Variants in UMODL1 observed in about 807,000 individuals in gnomAD.
The protein encoded by UMODL1 is uromodulin-like 1.
In UMODL1, 128 loss-of-function variants were observed where a neutral mutation model predicts 136.3. That is an observed-to-expected ratio of 0.94 (90% CI 0.81 to 1.09). UMODL1 has a LOEUF of 1.09. Ranked by LOEUF, UMODL1 falls within the 50% of genes least tolerant of loss-of-function variation. The pLI is 0.00. For synonymous variants in UMODL1, 721 were observed against 720.0 expected (o/e 1.00, Z -0.02); for missense variants, 1,766 against 1,725.6 (o/e 1.02, Z -0.41).
intron 1 of UMODL1, among the ~76,000 whole-genome samples, chr21:42,064,198 G>A (rs1035175932): frequency 6.6e-6 from 1 of 152,080 alleles, no homozygotes; most frequent in Non-Finnish European, 1.5e-5. Flanking sequence ...TCCCTCCTCT[G>A]ATCTGATTGG....
chr21:42,107,812 G>A (rs1031898047), intron 9 of UMODL1, among the ~76,000 whole-genome samples: 1 of 152,230 alleles, frequency 6.6e-6, no homozygotes, highest in Non-Finnish European at 1.5e-5. Flanking sequence ...TTGTTGTTCT[G>A]GGTGGGGCCA....
At chr21:42,132,540 A>G (rs565242856) in intron 21 of UMODL1, among the ~76,000 whole-genome samples, 2 of 150,746 alleles carry the variant, frequency 1.3e-5, no homozygotes, top group Admixed American at 6.6e-5. Context: ...CCATCCATCC[A>G]TCTATTCATC....
chr21:42,096,748 C>T (rs1194565986), intron 6 of UMODL1, among the ~76,000 whole-genome samples: 4 of 152,148 alleles, frequency 2.6e-5, no homozygotes, highest in African/African-American at 7.2e-5. Context: ...TGCTCGTGGC[C>T]GCCCCACTTT....
rs769534813 is a variant in UMODL1, at chr21:42,103,969, C to T, written c.1401C>T (p.Leu467=). 6.8e-6 allele frequency: 11 copies of T among 1,613,978 alleles called. No individual in the cohort carries two copies. The highest frequency in any genetic ancestry group is 1.7e-5 in the Admixed American group (1 of 60,006). ...SLQAGSVVVR[L]KLTVQDPGFP... is the part of the protein sequence containing the mutation. The stretch of plus-strand genomic sequence containing the variant: ...AGGCGGGAAGTGTGGTCGTGAGGCT[C>T]AAGCTCACCGTGCAGGACCCCGGGT... The change falls in exon 9 of 23, where the codon CTC becomes CTT. Residue 467 remains leucine (L), a synonymous_variant. Coordinates refer to ENST00000408910, the MANE Select transcript of UMODL1 (RefSeq NM_001004416.3).
At chr21:42,081,274 G>A (rs1222580994) in intron 2 of UMODL1, among the ~76,000 whole-genome samples, 1 of 152,214 alleles carries the variant, frequency 6.6e-6, no homozygotes, top group Non-Finnish European at 1.5e-5. Flanking sequence ...AGGGAGACAG[G>A]AGCGACTCCT....
intron 9 of UMODL1, among the ~76,000 whole-genome samples, chr21:42,105,224 T>C (rs2066698286): frequency 6.6e-6 from 1 of 152,196 alleles, no homozygotes; most frequent in South Asian, 2.1e-4. Flanking sequence ...CCCACCTAGC[T>C]GGGCTGCAGG....
rs370661909 is a variant in UMODL1, at chr21:42,103,971, A to G, written c.1403A>G (p.Lys468Arg). ...LQAGSVVVRLKLTVQDPGFPM... is the reference protein window; with the variant it reads ...LQAGSVVVRLRLTVQDPGFPM... ...GCGGGAAGTGTGGTCGTGAGGCTCA[A>G]GCTCACCGTGCAGGACCCCGGGTTT... Residue 468 changes from lysine (K) to arginine (R), a missense_variant, in exon 9 of 23, where the codon AAG (lysine) becomes AGG (arginine). Coordinates refer to ENST00000408910, the MANE Select transcript of UMODL1 (RefSeq NM_001004416.3). The G allele has an allele frequency of 1.8e-4, 284 of 1,613,986 alleles. No homozygotes were observed. The highest frequency in any genetic ancestry group is 2.4e-4 in the Non-Finnish European group (281 of 1,180,034).
At position 42,095,116 on chromosome 21, in the gene UMODL1, A is replaced by G. The variant is rs1359208468; in HGVS notation, c.932-3810A>G. Among the ~76,000 whole-genome samples, 13 of 12,912 alleles carry G rather than the reference A, an allele frequency of 1.0e-3. No homozygotes were observed. In the Admixed American group the frequency reaches 0.015, roughly 15 times the overall value. The allele number at this position is 12,912 out of a possible 152,430, so 8.5% of individuals were successfully genotyped here. On this transcript the variant is annotated intron_variant, in intron 6 of 22. Transcript: ENST00000408910. ...TTTTTTTTTTTTTTTTTTTTTTGAG[A>G]CAGGGTCTTGCTCTGTCACTCAGGC...
At chr21:42,111,178 C>T (rs371290209) in intron 11 of UMODL1, 57 bp downstream of exon 11, 3 of 1,571,544 alleles carry the variant, frequency 1.9e-6, no homozygotes, top group East Asian at 4.6e-5. Context: ...GCCAGGTGAA[C>T]CCCAGCCAGG....
intron 21 of UMODL1, among the ~76,000 whole-genome samples, chr21:42,135,218 A>G (rs972316106): frequency 4.6e-5 from 7 of 152,210 alleles, no homozygotes; most frequent in African/African-American, 1.7e-4. Flanking sequence ...GAACAGGGAG[A>G]TAGATGCCCT....
chr21:42,132,369 C>CATCT (rs1248721881), intron 21 of UMODL1, among the ~76,000 whole-genome samples: 1 of 151,404 alleles, frequency 6.6e-6, no homozygotes, highest in Admixed American at 6.6e-5. Context: ...TTCCTTCATC[C>CATCT]ATCTATCAAC....
intron 13 of UMODL1, among the ~76,000 whole-genome samples, chr21:42,114,196 G>T (rs2066875263): frequency 6.6e-6 from 1 of 152,204 alleles, no homozygotes; most frequent in Non-Finnish European, 1.5e-5. Flanking sequence ...TCCTACAGAG[G>T]ACTTGGCTTT....
At position 42,141,510 on chromosome 21, in the gene UMODL1, G is replaced by T. The variant is rs201097041; in HGVS notation, c.*22-586G>T. 2.1e-4 allele frequency among the ~76,000 whole-genome samples: 29 copies of T among 140,572 alleles called. 1 individual carries two copies. In the South Asian group the frequency reaches 6.2e-3, roughly 30 times the overall value. The allele number at this position is 140,572 out of a possible 152,430, so 92.2% of individuals were successfully genotyped here. A position where few individuals can be genotyped will look rare whatever the true frequency, so the allele number is the denominator to read the frequency against. ...CCAGCGATGAGGCCAACACTATCCC[G>T]CTAGCTTTCTAAGGAAATCTGGTGT... On this transcript the variant is annotated intron_variant, in intron 22 of 22. Coordinates refer to ENST00000408910, the MANE Select transcript of UMODL1 (RefSeq NM_001004416.3).
intron 2 of UMODL1, 141 bp downstream of exon 2, chr21:42,076,388 G>A (rs1028744862): frequency 4.8e-5 from 65 of 1,358,074 alleles, no homozygotes; most frequent in South Asian, 1.3e-5. Context: ...CAGGCAGCAG[G>A]TCATCGGCAG....
intron 14 of UMODL1, among the ~76,000 whole-genome samples, chr21:42,118,888 G>A (rs1045920808): frequency 6.6e-6 from 1 of 152,206 alleles, no homozygotes; most frequent in African/African-American, 2.4e-5. Flanking sequence ...CTGGTTTGGG[G>A]GGGGAAACAA....
Position 42,085,624 on chromosome 21 carries a change from C to T in UMODL1, c.603+212C>T, listed in dbSNP as rs2066417728. The T allele has an allele frequency of 2.9e-6, 2 of 694,492 alleles. No homozygotes were observed. Among genetic ancestry groups the T allele is most frequent in the Admixed American group, 2.9e-5 (1 of 34,906 alleles). The allele number at this position is 694,492 out of a possible 1,614,324, so 43.0% of individuals were successfully genotyped here. On this transcript the variant is annotated intron_variant, in intron 4 of 22. Coordinates refer to ENST00000408910, the MANE Select transcript of UMODL1 (RefSeq NM_001004416.3). This position sits in a 1 kb window ranked among gnomAD's most constrained non-coding sequence, Gnocchi z 4.5. ...TGCAACAAAATGCACACAACTGAAGCGTGTAGTTGGCTGAGTTGTTATGTG... is the reference window on the plus strand; with the variant it reads ...TGCAACAAAATGCACACAACTGAAGTGTGTAGTTGGCTGAGTTGTTATGTG...
At chr21:42,120,939 C>T (rs1437676906) in intron 15 of UMODL1, 148 bp from the exon 16 acceptor site, 2 of 1,015,194 alleles carry the variant, frequency 2.0e-6, no homozygotes, top group East Asian at 5.1e-5. Context: ...GCCTCCTGTA[C>T]TTTCCAGAAC....
chr21:42,117,514 T>C (rs946266819), intron 14 of UMODL1, among the ~76,000 whole-genome samples: 1 of 152,258 alleles, frequency 6.6e-6, no homozygotes, highest in African/African-American at 2.4e-5. Flanking sequence ...TTTTGAGGTA[T>C]AGGGAGTGCC....
intron 9 of UMODL1, among the ~76,000 whole-genome samples, chr21:42,106,082 TG>T (rs1192891294): frequency 1.3e-5 from 2 of 152,012 alleles, no homozygotes; most frequent in African/African-American, 4.8e-5. Context: ...GTCAGCTGTG[TG>T]GCCAGTGATG....
Sources: allele counts gnomAD v4.1 joint callset (sites outside exome capture counted in the v4.1 genomes callset), GRCh38; gene constraint gnomAD v4.1.1; non-coding constraint Gnocchi (gnomAD v3.1); transcripts MANE v1.5; gene names NCBI Gene and HGNC (gene_info 2026-07-23, HGNC 2026-07-21).